Variants in SMCO2 observed in about 807,000 individuals in gnomAD.
SMCO2 encodes the protein single-pass membrane and coiled-coil domain-containing protein 2.
SMCO2 carries 25 observed loss-of-function variants against 29.5 expected under a neutral mutation model. The observed-to-expected ratio is 0.85, with a 90% confidence interval of 0.62 to 1.18. The LOEUF (loss-of-function observed/expected upper bound fraction) is 1.18. Among genes scored for constraint, SMCO2 ranks in the 50% most tolerant of loss-of-function variants. SMCO2 has a pLI of 0.00. For synonymous variants in SMCO2, 117 were observed against 123.3 expected (o/e 0.95, Z 0.34); for missense variants, 348 against 344.5 (o/e 1.01, Z -0.08).
At chr12:27,450,774 A>G in the SMCO2 span, among the ~76,000 whole-genome samples, 4,366 of 152,364 alleles carry the variant, frequency 0.029, 96 homozygotes, top group Non-Finnish European at 0.046. Context: ...CATAAAATTA[A>G]ATAACAATTC....
intron 1 of SMCO2, among the ~76,000 whole-genome samples, 184 bp from the exon 2 acceptor site, chr12:27,470,438 C>G (rs912524649): frequency 4.6e-5 from 7 of 152,208 alleles, no homozygotes; most frequent in African/African-American, 1.4e-4. Context: ...AGGTCTTTCT[C>G]ATATATACTT....
exon 2 of SMCO2, chr12:27,470,656 A>C: frequency 6.4e-7 from 1 of 1,551,138 alleles, no homozygotes; most frequent in Non-Finnish European, 8.7e-7. Context: ...CACAAACCTA[A>C]ATAACAAAAT....
chr12:27,475,332 A>G (rs1010583155), intron 4 of SMCO2, among the ~76,000 whole-genome samples: 8 of 152,192 alleles, frequency 5.3e-5, no homozygotes, highest in Non-Finnish European at 1.0e-4. Context: ...ACACAGTGAA[A>G]TTAAAAATAT....
At chr12:27,432,315 C>G in the SMCO2 span, among the ~76,000 whole-genome samples, 2 of 152,026 alleles carry the variant, frequency 1.3e-5, no homozygotes, top group Admixed American at 1.3e-4. Context: ...CTTTTGGTGT[C>G]TATTTCCATC....
At chr12:27,488,535 G>C in exon 5 of SMCO2, 1 of 1,540,044 alleles carries the variant, frequency 6.5e-7, no homozygotes, top group Non-Finnish European at 8.8e-7. Flanking sequence ...TTGATCAAGG[G>C]ACAAGCACTG....
chr12:27,453,448 T>C, the SMCO2 span, among the ~76,000 whole-genome samples: 1 of 152,224 alleles, frequency 6.6e-6, no homozygotes, highest in Admixed American at 6.5e-5. Context: ...CATTCTCTTA[T>C]ATATATTCTC....
chr12:27,481,124 G>A (rs1037982254), intron 4 of SMCO2, among the ~76,000 whole-genome samples: 19 of 152,196 alleles, frequency 1.2e-4, no homozygotes, highest in African/African-American at 4.6e-4. Flanking sequence ...TGTCGGCAGG[G>A]CTTCAGGGAT....
At chr12:27,478,286 A>T (rs1483786684) in intron 4 of SMCO2, among the ~76,000 whole-genome samples, 1 of 152,058 alleles carries the variant, frequency 6.6e-6, no homozygotes, top group Non-Finnish European at 1.5e-5. Context: ...TTGGTCCTCA[A>T]GTGCTAGTGG....
At chr12:27,467,643 T>G (rs1046077655) in intron 1 of SMCO2, among the ~76,000 whole-genome samples, 4 of 152,114 alleles carry the variant, frequency 2.6e-5, no homozygotes, top group Non-Finnish European at 4.4e-5. Context: ...AGCCAACCCA[T>G]TAAGACGCAT....
chr12:27,463,343 C>T (rs1250315260), upstream of SMCO2, among the ~76,000 whole-genome samples: 1 of 152,190 alleles, frequency 6.6e-6, no homozygotes, highest in Non-Finnish European at 1.5e-5. Context: ...CGGCTCACTG[C>T]AGCCTCTGCC....
chr12:27,492,320 G>A (rs1942928430), intron 5 of SMCO2, among the ~76,000 whole-genome samples: 1 of 151,986 alleles, frequency 6.6e-6, no homozygotes, highest in Admixed American at 6.6e-5. Flanking sequence ...TTGGATATTT[G>A]GTACTTTATA....
At chr12:27,499,290 A>G (rs1171181862) in intron 7 of SMCO2, among the ~76,000 whole-genome samples, 1 of 150,906 alleles carries the variant, frequency 6.6e-6, no homozygotes, top group Non-Finnish European at 1.5e-5. Flanking sequence ...ATACCACAAC[A>G]TGATCTTAGA....
chr12:27,435,303 G>C, the SMCO2 span, among the ~76,000 whole-genome samples: 2,206 of 2,840 alleles, frequency 0.78, 941 homozygotes, highest in Middle Eastern at 1. Flanking sequence ...CCCCCCCCCC[G>C]GCAATTGTGA....
At chr12:27,465,121 C>T (rs1310974460), upstream of SMCO2, among the ~76,000 whole-genome samples, 9 of 151,276 alleles carry the variant, frequency 5.9e-5, no homozygotes, top group Admixed American at 4.0e-4. Flanking sequence ...GAACCCAGTA[C>T]GCGAAGTGTG....
intron 4 of SMCO2, among the ~76,000 whole-genome samples, chr12:27,481,330 A>G (rs1009166721): frequency 3.9e-5 from 6 of 152,078 alleles, no homozygotes; most frequent in Admixed American, 3.3e-4. Context: ...AGGCCGAGGA[A>G]CTCTCCTGTG....
At chr12:27,436,279 T>C in the SMCO2 span, among the ~76,000 whole-genome samples, 48 of 152,352 alleles carry the variant, frequency 3.2e-4, no homozygotes, top group Admixed American at 2.8e-3. Flanking sequence ...GGGGAGCTCA[T>C]CAGTATTAAC....
At chr12:27,469,061 T>C (rs1949520750) in intron 1 of SMCO2, among the ~76,000 whole-genome samples, 1 of 152,192 alleles carries the variant, frequency 6.6e-6, no homozygotes, top group Non-Finnish European at 1.5e-5. Flanking sequence ...GATAGAGAAT[T>C]ATCAGAATAA....
chr12:27,467,696 T>G (rs776202198), intron 1 of SMCO2, among the ~76,000 whole-genome samples: 16 of 152,278 alleles, frequency 1.1e-4, no homozygotes, highest in Middle Eastern at 3.4e-3. Flanking sequence ...ACTGCAAAAC[T>G]TATAGTCAGA....
At position 27,500,635 on chromosome 12, in the gene SMCO2, C is replaced by T. The variant is rs185716206; in HGVS notation, c.684-1288C>T. On this transcript the variant is annotated intron_variant, in intron 7 of 7. Coordinates refer to ENST00000298876, the Ensembl canonical transcript of SMCO2. ...CAGTGTTTATTTACTAGATAGTTTT[C>T]GTAGTGAGTTGTTTTTCTTTTCATA... Among the ~76,000 whole-genome samples, 292 of 150,774 alleles carry T rather than the reference C, an allele frequency of 1.9e-3. 10 individuals carry two copies. The highest frequency in any genetic ancestry group is 3.3e-3 in the African/African-American group (134 of 40,454).
Sources: allele counts gnomAD v4.1 joint callset (sites outside exome capture counted in the v4.1 genomes callset), GRCh38; gene constraint gnomAD v4.1.1; transcripts MANE v1.5; gene names NCBI Gene and HGNC (gene_info 2026-07-23, HGNC 2026-07-21).